NSD3: variants seen among roughly 807,000 people sequenced by gnomAD.
NSD3 encodes nuclear receptor binding SET domain protein 3, also known as histone-lysine N-methyltransferase NSD3.
A neutral mutation model predicts 160.8 loss-of-function variants in NSD3; 24 were observed. That is an observed-to-expected ratio of 0.15 (90% CI 0.11 to 0.21). NSD3 has a LOEUF of 0.21. Ranked by LOEUF, NSD3 falls within the 10% of genes least tolerant of loss-of-function variation. NSD3 has a pLI of 1.00. For missense variants in NSD3, 1,157 were observed against 1,735.9 expected (o/e 0.67, Z 5.93); for synonymous variants, 520 against 600.0 (o/e 0.87, Z 1.95).
chr8:38,337,441 T>C lies in NSD3; in HGVS notation c.774A>G (p.Pro258=). 4 of 1,607,254 alleles carry C rather than the reference T, an allele frequency of 2.5e-6. No homozygotes were observed. Among genetic ancestry groups the C allele is most frequent in the Non-Finnish European group, 3.4e-6 (4 of 1,177,428 alleles). The change falls in exon 4 of 24, where the codon CCA becomes CCG. Residue 258 remains proline (P), a synonymous_variant. Coordinates refer to ENST00000317025, the MANE Select transcript of NSD3 (RefSeq NM_023034.2). ...APVQPILSSV[P]TTEVSTGVKF... ...TAACACCAGTGGACACTTCCGTTGTTGGAACAGAAGATAGTATTGGCTGAA... is the reference window on the plus strand; with the variant it reads ...TAACACCAGTGGACACTTCCGTTGTCGGAACAGAAGATAGTATTGGCTGAA...
At chr8:38,292,499 T>G (rs893818238) in intron 16 of NSD3, among the ~76,000 whole-genome samples, 2 of 151,046 alleles carry the variant, frequency 1.3e-5, no homozygotes, top group African/African-American at 2.4e-5. Flanking sequence ...ATACAAAGAT[T>G]AGGCCAGGCA....
chr8:38,311,486 C>T (rs988987835), intron 12 of NSD3, among the ~76,000 whole-genome samples: 2 of 151,930 alleles, frequency 1.3e-5, no homozygotes, highest in African/African-American at 4.8e-5. Context: ...GCCACCATGC[C>T]CAGCTAATTT....
chr8:38,372,778 G>A (rs1811281983), intron 1 of NSD3, among the ~76,000 whole-genome samples: 1 of 149,906 alleles, frequency 6.7e-6, no homozygotes, highest in Admixed American at 6.6e-5. Context: ...TTACAGGCAT[G>A]AGCCACTGCG....
In NSD3 at chr8:38,381,028, C is replaced by T. The variant is rs758649949; in HGVS notation, c.-45+771G>A. ...CACAACAATCACAATCCCATAACCA[C>T]CAGCTTCTCTATTCTCTAGCCTTGA... On this transcript the variant is annotated intron_variant, in intron 1 of 23. Transcript: ENST00000317025. Among the ~76,000 whole-genome samples, 6 of 152,176 alleles carry T rather than the reference C, an allele frequency of 3.9e-5. No individual in the cohort carries two copies. In the South Asian group the frequency reaches 6.2e-4, roughly 16 times the overall value.
chr8:38,372,679 T>A (rs1181718027), intron 1 of NSD3, among the ~76,000 whole-genome samples: 4 of 150,970 alleles, frequency 2.6e-5, no homozygotes, highest in Non-Finnish European at 4.4e-5. Context: ...GTAGTTTTAG[T>A]AGAGACGGGT....
chr8:38,359,018 G>A (rs1350461150), intron 1 of NSD3, among the ~76,000 whole-genome samples: 1 of 152,030 alleles, frequency 6.6e-6, no homozygotes, highest in African/African-American at 2.4e-5. Context: ...TATAGAAGAT[G>A]CTAAAATCCT....
chr8:38,275,542 C>A lies in NSD3; in HGVS notation c.*99G>T. On this transcript the variant is annotated 3_prime_UTR_variant, in exon 24 of 24. Transcript: ENST00000317025. ...CATTTTTGCTTTAATAAGGCAGTTC[C>A]GATGGCAAAGGCTGTATGCACTGTA... The A allele has an allele frequency of 8.2e-7, 1 of 1,215,260 alleles. No homozygotes were observed. The highest frequency in any genetic ancestry group is 1.5e-5 in the African/African-American group (1 of 65,232). 75.3% of individuals were successfully genotyped at this position (1,215,260 alleles called of 1,614,324 possible).
intron 7 of NSD3, 63 bp downstream of exon 7, chr8:38,326,667 T>C: frequency 1.4e-6 from 2 of 1,449,342 alleles, no homozygotes; most frequent in South Asian, 1.6e-5. Context: ...GCTACCACAT[T>C]ATAGCAGAAC....
At chr8:38,310,787 C>G (rs1462172292) in intron 12 of NSD3, among the ~76,000 whole-genome samples, 1 of 151,844 alleles carries the variant, frequency 6.6e-6, no homozygotes, top group African/African-American at 2.4e-5. Flanking sequence ...CCTTGGATTA[C>G]AGGTGTGAGA....
rs1312427661 is a variant in NSD3, at chr8:38,317,496, T to C, written c.1855+1399A>G. 17 of 1,056,818 alleles carry C rather than the reference T, an allele frequency of 1.6e-5. No individual in the cohort carries two copies. The highest frequency in any genetic ancestry group is 1.9e-5 in the Non-Finnish European group (17 of 874,028). The allele number at this position is 1,056,818 out of a possible 1,614,324, so 65.5% of individuals were successfully genotyped here. A position where few individuals can be genotyped will look rare whatever the true frequency, so the allele number is the denominator to read the frequency against. Reference sequence around the variant, plus strand: ...GCCATTTCCGATGAGTTTCTGAAAATGCTAGAAAAATGACAGACTGCCAAA... The same window carrying C: ...GCCATTTCCGATGAGTTTCTGAAAACGCTAGAAAAATGACAGACTGCCAAA... On this transcript the variant is annotated intron_variant, in intron 9 of 23. Coordinates refer to ENST00000317025, the MANE Select transcript of NSD3 (RefSeq NM_023034.2). This position sits in a 1 kb window ranked among gnomAD's most constrained non-coding sequence, Gnocchi z 5.3.
At chr8:38,326,624 A>T in intron 7 of NSD3, 106 bp downstream of exon 7, 1 of 1,240,116 alleles carries the variant, frequency 8.1e-7, no homozygotes, top group Non-Finnish European at 1.1e-6. Flanking sequence ...AATATAATTT[A>T]CTTTTGATAA....
Position 38,318,348 on chromosome 8 carries a change from G to A in NSD3, c.1855+547C>T, listed in dbSNP as rs1268021184. ...AGTCAAATTGCACACAGAAAATACAGATATAAGTTTAAGCTTTCTTAAACT... is the reference window on the plus strand; with the variant it reads ...AGTCAAATTGCACACAGAAAATACAAATATAAGTTTAAGCTTTCTTAAACT... On this transcript the variant is annotated intron_variant, in intron 9 of 23. Transcript: ENST00000317025. This position sits in a 1 kb window ranked among gnomAD's most constrained non-coding sequence, Gnocchi z 5.3. 6.6e-6 allele frequency among the ~76,000 whole-genome samples: 1 copy of A among 152,162 alleles called. No individual in the cohort carries two copies. The highest frequency in any genetic ancestry group is 1.9e-4 in the East Asian group (1 of 5,204).
chr8:38,320,484 C>T (rs1021618280), intron 8 of NSD3: 3 of 151,936 alleles, frequency 2.0e-5, no homozygotes, highest in Admixed American at 2.0e-4. Context: ...TGGTTTAATA[C>T]ACTTCAGTCA....
At chr8:38,293,752 G>A (rs1380555474) in intron 16 of NSD3, among the ~76,000 whole-genome samples, 1 of 150,684 alleles carries the variant, frequency 6.6e-6, no homozygotes, top group Non-Finnish European at 1.5e-5. Flanking sequence ...GTGAAACCCC[G>A]TCTGTACTAA....
In NSD3 at chr8:38,316,312, C is replaced by T. The variant is rs562038244; in HGVS notation, c.1856-270G>A. ...TCAGTCAACAGAGCCCACGTTCCAA[C>T]CTAAAAATCAATTCTATGAAAATTG... is the stretch of plus-strand genomic sequence containing the variant. On this transcript the variant is annotated intron_variant, in intron 9 of 23. Transcript: ENST00000317025. This position sits in a 1 kb window ranked among gnomAD's most constrained non-coding sequence, Gnocchi z 4.5. 11 of 1,035,016 alleles carry T rather than the reference C, an allele frequency of 1.1e-5. No homozygotes were observed. In the African/African-American group the frequency reaches 1.5e-4, roughly 14 times the overall value. The allele number at this position is 1,035,016 out of a possible 1,614,324, so 64.1% of individuals were successfully genotyped here.
At chr8:38,371,175 GA>G (rs1172914865) in intron 1 of NSD3, among the ~76,000 whole-genome samples, 4 of 151,840 alleles carry the variant, frequency 2.6e-5, no homozygotes, top group Non-Finnish European at 4.4e-5. Flanking sequence ...AAATACATAT[GA>G]AAAAATATTG....
intron 21 of NSD3, among the ~76,000 whole-genome samples, chr8:38,279,141 A>C (rs1380665800): frequency 1.3e-5 from 2 of 152,250 alleles, no homozygotes; most frequent in Non-Finnish European, 2.9e-5. Flanking sequence ...AAAAGATCCC[A>C]GCAACTAAGG....
rs766875433 is a variant in NSD3 at position 38,316,055 on chromosome 8, C to CA, written c.1856-14dup. 6.2e-7 allele frequency: 1 copy of CA among 1,610,562 alleles called. No individual in the cohort carries two copies. The highest frequency in any genetic ancestry group is 1.1e-5 in the South Asian group (1 of 90,566). ...ATCTCGCTGGCACCTTAATACAACA[C>CA]ACTGAAATTAATCCTAAAATAGTAC... On this transcript the variant is annotated splice_polypyrimidine_tract_variant and intron_variant, in intron 9 of 23. Coordinates refer to ENST00000317025, the MANE Select transcript of NSD3 (RefSeq NM_023034.2). This position sits in a 1 kb window ranked among gnomAD's most constrained non-coding sequence, Gnocchi z 4.5.
intron 20 of NSD3, 51 bp from the exon 21 acceptor site, chr8:38,279,732 A>G (rs1248288797): frequency 1.3e-6 from 2 of 1,575,446 alleles, no homozygotes; most frequent in Non-Finnish European, 1.7e-6. Flanking sequence ...TCTCTCCCAG[A>G]AACATCCAAC....
Sources: allele counts gnomAD v4.1 joint callset (sites outside exome capture counted in the v4.1 genomes callset), GRCh38; gene constraint gnomAD v4.1.1; non-coding constraint Gnocchi (gnomAD v3.1); transcripts MANE v1.5; gene names NCBI Gene and HGNC (gene_info 2026-07-23, HGNC 2026-07-21).